HDAC8: variants seen among roughly 807,000 people sequenced by gnomAD.
HDAC8 encodes histone deacetylase 8.
In HDAC8, 1 loss-of-function variant was observed where a neutral mutation model predicts 32.2. That is an observed-to-expected ratio of 0.03 (90% CI 0.01 to 0.15). The LOEUF is 0.15. Ranked by LOEUF, HDAC8 falls within the 10% of genes least tolerant of loss-of-function variation. The pLI is 1.00. For synonymous variants in HDAC8, 108 were observed against 113.9 expected, an observed-to-expected ratio of 0.95 and a Z score of 0.33; for missense variants, 117 against 300.0, an observed-to-expected ratio of 0.39 and a Z score of 4.51.
chrX:72,449,384 C>G (rs1267265982), intron 9 of HDAC8, among the ~76,000 whole-genome samples: 1 of 110,698 alleles, frequency 9.0e-6, no homozygotes, highest in Non-Finnish European at 1.9e-5. Flanking sequence ...ACAATGAGAA[C>G]ACATGGACAC....
chrX:72,338,691 A>G (rs2043798878), intron 10 of HDAC8, among the ~76,000 whole-genome samples: 1 of 99,150 alleles, frequency 1.0e-5, no homozygotes. Context: ...ATACAAATAT[A>G]TATATATATA....
intron 9 of HDAC8, among the ~76,000 whole-genome samples, chrX:72,398,915 G>C (rs1439345677): frequency 1.8e-5 from 2 of 109,435 alleles, no homozygotes; most frequent in Non-Finnish European, 3.8e-5. Context: ...ATTTCTTTGT[G>C]AGTAGGGAAG....
chrX:72,344,109 C>T (rs1555946074), intron 10 of HDAC8, among the ~76,000 whole-genome samples: 1 of 111,796 alleles, frequency 8.9e-6, no homozygotes, highest in Non-Finnish European at 1.9e-5. Flanking sequence ...AGGTGCCCTT[C>T]TTCTCCCCAG....
At chrX:72,375,333 G>A (rs1196920020) in intron 9 of HDAC8, among the ~76,000 whole-genome samples, 4 of 111,851 alleles carry the variant, frequency 3.6e-5, no homozygotes, top group African/African-American at 1.3e-4. Flanking sequence ...TGAGGAACTG[G>A]CTCATGCACT....
chrX:72,498,023 A>AG (rs1556014174), intron 4 of HDAC8, among the ~76,000 whole-genome samples: 1 of 111,096 alleles, frequency 9.0e-6, no homozygotes, highest in Non-Finnish European at 1.9e-5. Flanking sequence ...AGAAAGTTGT[A>AG]GAGGGATCAC....
At chrX:72,532,433 G>A (rs782061503) in intron 4 of HDAC8, among the ~76,000 whole-genome samples, 2 of 106,040 alleles carry the variant, frequency 1.9e-5, no homozygotes, top group African/African-American at 6.9e-5. Context: ...ATGTATGAAG[G>A]TTCCAATTTC....
chrX:72,496,899 T>C (rs1431159829), intron 4 of HDAC8, among the ~76,000 whole-genome samples: 1 of 111,941 alleles, frequency 8.9e-6, no homozygotes, highest in Non-Finnish European at 1.9e-5. Flanking sequence ...ACTCTTCTCA[T>C]TGACAACATT....
At chrX:72,440,991 C>T (rs1322347425) in intron 9 of HDAC8, among the ~76,000 whole-genome samples, 3 of 113,074 alleles carry the variant, frequency 2.7e-5, no homozygotes, top group Non-Finnish European at 3.8e-5. Context: ...GAGGGGCGCC[C>T]GCCATTGCCC....
At position 72,394,691 on chromosome X, in the gene HDAC8, C is replaced by T. The variant is rs536348605; in HGVS notation, c.1006-42853G>A. Among the ~76,000 whole-genome samples, 11 of 111,936 alleles carry T rather than the reference C, an allele frequency of 9.8e-5. No homozygotes were observed. The South Asian group carries it at 3.0e-3, about 31-fold the overall frequency. On this transcript the variant is annotated intron_variant, in intron 9 of 10. Coordinates refer to ENST00000373573, the MANE Select transcript of HDAC8 (RefSeq NM_018486.3). ...TTCCAGGAATAGTACTGCTCTGAGA[C>T]GCCTCTGTAGACTGCCTGGAACGAA...
intron 7 of HDAC8, among the ~76,000 whole-genome samples, chrX:72,472,696 T>A (rs1286489263): frequency 8.9e-6 from 1 of 112,124 alleles, no homozygotes; most frequent in Non-Finnish European, 1.9e-5. Flanking sequence ...TATGTCAATT[T>A]GTGAAGAGAA....
At chrX:72,523,158 T>G (rs1222033505) in intron 4 of HDAC8, among the ~76,000 whole-genome samples, 1 of 112,248 alleles carries the variant, frequency 8.9e-6, no homozygotes, top group Non-Finnish European at 1.9e-5. Context: ...ATCGGCTTAT[T>G]TTTCATTTTG....
chrX:72,525,813 CAAAAAAAAAAAAAAAA>C (rs57801277), intron 4 of HDAC8, among the ~76,000 whole-genome samples: 3 of 21,555 alleles, frequency 1.4e-4, no homozygotes, highest in Admixed American at 1.1e-3. Context: ...GACTCTGTCT[CAAAAAAAAAAAAAAAA>C]AAAAAAAAAA....
intron 9 of HDAC8, among the ~76,000 whole-genome samples, chrX:72,374,263 C>G (rs1288842335): frequency 8.9e-6 from 1 of 111,768 alleles, no homozygotes; most frequent in Non-Finnish European, 1.9e-5. Flanking sequence ...GTTGCCCAGG[C>G]TGGTCTTGAA....
chrX:72,488,789 A>G, intron 7 of HDAC8, 144 bp downstream of exon 7: 1 of 340,470 alleles, frequency 2.9e-6, no homozygotes. Flanking sequence ...CTGATCAAAT[A>G]AGCATAATGA....
chrX:72,388,595 TACACACACACACACACACACAC>T (rs59374504), intron 9 of HDAC8, among the ~76,000 whole-genome samples: 34 of 88,383 alleles, frequency 3.8e-4, no homozygotes, highest in Admixed American at 3.7e-3. Flanking sequence ...CCACAGTGAT[TACACACACACACACACACACAC>T]ACACACACAC....
At chrX:72,387,106 G>A (rs897418253) in intron 9 of HDAC8, among the ~76,000 whole-genome samples, 84 of 112,506 alleles carry the variant, frequency 7.5e-4, no homozygotes, top group African/African-American at 2.7e-3. Context: ...AGCACAATGA[G>A]CTAGGCCCCA....
intron 4 of HDAC8, among the ~76,000 whole-genome samples, chrX:72,547,168 A>C (rs974595172): frequency 1.8e-5 from 2 of 111,504 alleles, no homozygotes; most frequent in Non-Finnish European, 3.8e-5. Flanking sequence ...GACCAAGGTC[A>C]TTAATGACCA....
chrX:72,415,186 T>C (rs959078893), intron 9 of HDAC8, among the ~76,000 whole-genome samples: 1 of 112,410 alleles, frequency 8.9e-6, no homozygotes, highest in Admixed American at 9.4e-5. Context: ...TACTATTTAT[T>C]GAAAAGGCTG....
intron 9 of HDAC8, among the ~76,000 whole-genome samples, chrX:72,366,231 T>C (rs781804195): frequency 5.4e-5 from 6 of 111,572 alleles, no homozygotes; most frequent in South Asian, 7.7e-4. Flanking sequence ...CATGGTCGGC[T>C]CCCCACTGAC....
Sources: allele counts gnomAD v4.1 joint callset (sites outside exome capture counted in the v4.1 genomes callset), GRCh38; gene constraint gnomAD v4.1.1; transcripts MANE v1.5; gene names NCBI Gene and HGNC (gene_info 2026-07-23, HGNC 2026-07-21).